Variants in THYN1 observed in about 807,000 individuals in gnomAD.
The protein encoded by THYN1 is thymocyte protein thy28.
A neutral mutation model predicts 30.6 loss-of-function variants in THYN1; 32 were observed. The observed-to-expected ratio is 1.05, with a 90% CI of 0.79 to 1.40. THYN1 has a LOEUF of 1.40. Among genes scored for constraint, THYN1 ranks in the 40% most tolerant of loss-of-function variants. The pLI is 0.00. For synonymous variants in THYN1, 107 were observed against 90.8 expected, an observed-to-expected ratio of 1.18 and a Z score of -1.01; for missense variants, 259 against 272.6, an observed-to-expected ratio of 0.95 and a Z score of 0.35.
intron 2 of THYN1, among the ~76,000 whole-genome samples, chr11:134,250,586 G>A (rs1012932900): frequency 2.6e-5 from 4 of 152,110 alleles, no homozygotes; most frequent in African/African-American, 9.7e-5. Context: ...AGGTGATAAA[G>A]TAATCTGCTA....
intron 6 of THYN1, among the ~76,000 whole-genome samples, 158 bp downstream of exon 6, chr11:134,248,651 C>A (rs1479100645): frequency 6.6e-6 from 1 of 152,200 alleles, no homozygotes; most frequent in African/African-American, 2.4e-5. Context: ...GTAATAGTAA[C>A]AGGTAACTCT....
At position 134,253,309 on chromosome 11, in the gene THYN1, G is replaced by C. The variant is rs907145823; in HGVS notation, c.-427C>G. On this transcript the variant is annotated 5_prime_UTR_variant, in exon 1 of 7. Coordinates refer to ENST00000341541, the MANE Select transcript of THYN1 (RefSeq NM_014174.3). ...TTGCTGGCTACAGACCCAACACTCTGCAGACTCGACTGCGGTCCGCCTCCG... is the reference window on the plus strand; with the variant it reads ...TTGCTGGCTACAGACCCAACACTCTCCAGACTCGACTGCGGTCCGCCTCCG... 7.2e-7 allele frequency: 1 copy of C among 1,393,064 alleles called. No homozygotes were observed. The highest frequency in any genetic ancestry group is 9.3e-7 in the Non-Finnish European group (1 of 1,073,778). The allele number at this position is 1,393,064 out of a possible 1,614,324, so 86.3% of individuals were successfully genotyped here.
chr11:134,249,002 T>C, intron 5 of THYN1, 43 bp from the exon 6 acceptor site: 1 of 1,610,526 alleles, frequency 6.2e-7, no homozygotes, highest in South Asian at 1.1e-5. Context: ...GTGTCTAGGC[T>C]GACTGTGCCC....
chr11:134,250,751 G>C (rs987801353), intron 2 of THYN1, among the ~76,000 whole-genome samples: 1 of 152,232 alleles, frequency 6.6e-6, no homozygotes, highest in Non-Finnish European at 1.5e-5. Flanking sequence ...GAGGTTGGCA[G>C]ACTATAGCCT....
chr11:134,252,988 C>T lies in THYN1; in HGVS notation c.-106G>A. 9 of 1,482,032 alleles carry T rather than the reference C, an allele frequency of 6.1e-6. No individual in the cohort carries two copies. Among genetic ancestry groups the T allele is most frequent in the Non-Finnish European group, 7.1e-6 (8 of 1,120,460 alleles). The allele number at this position is 1,482,032 out of a possible 1,614,324, so 91.8% of individuals were successfully genotyped here. A position where few individuals can be genotyped will look rare whatever the true frequency, so the allele number is the denominator to read the frequency against. On this transcript the variant is annotated 5_prime_UTR_variant, in exon 1 of 7. Transcript: ENST00000341541. ...CCCGCGCAGAGCGAGATGGAGGCAA[C>T]GAGAGGCAGCCTAGAACGTCTCCAA... is the stretch of plus-strand genomic sequence containing the variant.
At chr11:134,251,062 G>A (rs1939024495) in intron 2 of THYN1, 68 bp downstream of exon 2, 1 of 1,439,780 alleles carries the variant, frequency 6.9e-7, no homozygotes, top group Admixed American at 2.4e-5. Context: ...GGAACCCTAT[G>A]GTGTCCCATA....
At position 134,249,166 on chromosome 11, in the gene THYN1, C is replaced by T; in HGVS notation, c.480+1G>A. 6.2e-7 allele frequency: 1 copy of T among 1,611,312 alleles called. No individual in the cohort carries two copies. Among genetic ancestry groups the T allele is most frequent in the Non-Finnish European group, 8.5e-7 (1 of 1,178,696 alleles). On this transcript the variant is annotated splice_donor_variant, in intron 5 of 6. Coordinates refer to ENST00000341541, the MANE Select transcript of THYN1 (RefSeq NM_014174.3). LOFTEE classifies it high-confidence loss of function. ...CATGAAATAGAAAGCATAGTCTTTACCATGGACCACTTAGGGTTGTCCTCT... is the reference window on the plus strand; with the variant it reads ...CATGAAATAGAAAGCATAGTCTTTATCATGGACCACTTAGGGTTGTCCTCT...
chr11:134,250,453 G>A, intron 2 of THYN1, 110 bp from the exon 3 acceptor site: 1 of 1,183,142 alleles, frequency 8.5e-7, no homozygotes, highest in Admixed American at 1.9e-5. Flanking sequence ...ACTGGCTATA[G>A]AGGAAGTATG....
chr11:134,249,458 C>A (rs755774680), intron 4 of THYN1, among the ~76,000 whole-genome samples, 196 bp from the exon 5 acceptor site: 8 of 152,146 alleles, frequency 5.3e-5, no homozygotes, highest in Non-Finnish European at 8.8e-5. Flanking sequence ...TCTGTTTTTA[C>A]AAAAGTCTTA....
chr11:134,248,504 A>C lies in THYN1; in HGVS notation c.632-20T>G, dbSNP rs1319909916. 6.2e-7 allele frequency: 1 copy of C among 1,614,008 alleles called. No individual in the cohort carries two copies. Among genetic ancestry groups the C allele is most frequent in the Non-Finnish European group, 8.5e-7 (1 of 1,179,930 alleles). Reference sequence around the variant, plus strand: ...ACTCTTCTACAAAAAAAAAAGGGAAAAAGGAAGGATTAGTTTTTAATGTCC... The same window carrying C: ...ACTCTTCTACAAAAAAAAAAGGGAACAAGGAAGGATTAGTTTTTAATGTCC... On this transcript the variant is annotated intron_variant, in intron 6 of 6. Coordinates refer to ENST00000341541, the MANE Select transcript of THYN1 (RefSeq NM_014174.3).
chr11:134,252,985 C>T lies in THYN1; in HGVS notation c.-103G>A. The T allele has an allele frequency of 4.0e-6, 6 of 1,484,518 alleles. No homozygotes were observed. In the South Asian group the frequency reaches 8.2e-5, roughly 20 times the overall value. 92.0% of individuals were successfully genotyped at this position (1,484,518 alleles called of 1,614,324 possible). A position where few individuals can be genotyped will look rare whatever the true frequency, so the allele number is the denominator to read the frequency against. ...AAACCCGCGCAGAGCGAGATGGAGG[C>T]AACGAGAGGCAGCCTAGAACGTCTC... On this transcript the variant is annotated 5_prime_UTR_variant, in exon 1 of 7. Coordinates refer to ENST00000341541, the MANE Select transcript of THYN1 (RefSeq NM_014174.3).
In THYN1 at chr11:134,248,394, T is replaced by A; in HGVS notation, c.*44A>T. 3.1e-6 allele frequency: 5 copies of A among 1,613,482 alleles called. No homozygotes were observed. The highest frequency in any genetic ancestry group is 4.2e-6 in the Non-Finnish European group (5 of 1,179,368). On this transcript the variant is annotated 3_prime_UTR_variant, in exon 7 of 7. Transcript: ENST00000341541. ...ACCTTTTGTCTGAAAAAAGCTTGAC[T>A]TCTTTGCAGCAATGTCTCGCCCATT...
At position 134,251,130 on chromosome 11, in the gene THYN1, C is replaced by T. The variant is rs1299835602; in HGVS notation, c.222G>A (p.Lys74=). 6.2e-7 allele frequency: 1 copy of T among 1,608,916 alleles called. No individual in the cohort carries two copies. Among genetic ancestry groups the T allele is most frequent in the Non-Finnish European group, 8.5e-7 (1 of 1,178,148 alleles). Residue 74 remains lysine (K), a splice_region_variant and synonymous_variant, in exon 2 of 7, where the codon AAG becomes AAA. Transcript: ENST00000341541. ...ESRLEKGVDV[K]FSIEDLKAQP... ...ACTGGAGACAGGTCAAGGGTCTCAC[C>T]TTCACATCTACACCTTTCTCTAGGC... is the stretch of plus-strand genomic sequence containing the variant.
intron 3 of THYN1, 132 bp from the exon 4 acceptor site, chr11:134,250,052 C>T: frequency 2.9e-6 from 3 of 1,042,422 alleles, no homozygotes; most frequent in Non-Finnish European, 4.2e-6. Context: ...GAAAGTCCTT[C>T]CCCTTTGCCA....
rs529081895 is a variant in THYN1 at position 134,251,593 on chromosome 11, C to T, written c.44-285G>A. Reference sequence around the variant, plus strand: ...CAGTAGTCAATACATGTTTTCCTTTCCTCACTCTCTCTTCTATGCCTTTGC... The same window carrying T: ...CAGTAGTCAATACATGTTTTCCTTTTCTCACTCTCTCTTCTATGCCTTTGC... On this transcript the variant is annotated intron_variant, in intron 1 of 6. Coordinates refer to ENST00000341541, the MANE Select transcript of THYN1 (RefSeq NM_014174.3). 7.8e-5 allele frequency: 25 copies of T among 320,444 alleles called. 1 individual carries two copies. Among genetic ancestry groups the T allele is most frequent in the Middle Eastern group, 1.7e-3 (2 of 1,178 alleles). The allele number at this position is 320,444 out of a possible 1,614,324, so 19.9% of individuals were successfully genotyped here. A position where few individuals can be genotyped will look rare whatever the true frequency, so the allele number is the denominator to read the frequency against.
intron 1 of THYN1, 138 bp from the exon 2 acceptor site, chr11:134,251,446 TAAG>T: frequency 1.1e-6 from 1 of 952,014 alleles, no homozygotes; most frequent in East Asian, 2.5e-5. Context: ...ATCTTACTGT[TAAG>T]AAGCTTTCCT....
At chr11:134,249,301 G>T (rs1417495098) in intron 4 of THYN1, 39 bp from the exon 5 acceptor site, 7 of 1,588,608 alleles carry the variant, frequency 4.4e-6, no homozygotes, top group Non-Finnish European at 6.1e-6. Context: ...TCTGCCTGCA[G>T]TCAGCTCCAC....
chr11:134,253,157 A>G lies in THYN1; in HGVS notation c.-275T>C. On this transcript the variant is annotated 5_prime_UTR_variant, in exon 1 of 7. Coordinates refer to ENST00000341541, the MANE Select transcript of THYN1 (RefSeq NM_014174.3). ...CTCATCCAGGAACCCCTATCTCAGT[A>G]TGTAGTTCACTGGGAAGTGGCTCCA... 1.5e-6 allele frequency: 2 copies of G among 1,346,690 alleles called. No homozygotes were observed. The highest frequency in any genetic ancestry group is 1.9e-6 in the Non-Finnish European group (2 of 1,053,870). 83.4% of individuals were successfully genotyped at this position (1,346,690 alleles called of 1,614,324 possible).
chr11:134,253,288 T>C lies in THYN1; in HGVS notation c.-406A>G. ...TAATCTAGATGATGAAGTAATTTGCTGGCTACAGACCCAACACTCTGCAGA... is the reference window on the plus strand; with the variant it reads ...TAATCTAGATGATGAAGTAATTTGCCGGCTACAGACCCAACACTCTGCAGA... On this transcript the variant is annotated 5_prime_UTR_variant, in exon 1 of 7. Coordinates refer to ENST00000341541, the MANE Select transcript of THYN1 (RefSeq NM_014174.3). 2 of 1,361,332 alleles carry C rather than the reference T, an allele frequency of 1.5e-6. No individual in the cohort carries two copies. The highest frequency in any genetic ancestry group is 1.9e-6 in the Non-Finnish European group (2 of 1,058,134). 84.3% of individuals were successfully genotyped at this position (1,361,332 alleles called of 1,614,324 possible).
Sources: allele counts gnomAD v4.1 joint callset (sites outside exome capture counted in the v4.1 genomes callset), GRCh38; gene constraint gnomAD v4.1.1; transcripts MANE v1.5; gene names NCBI Gene and HGNC (gene_info 2026-07-23, HGNC 2026-07-21).